PLD1: variants seen among roughly 807,000 people sequenced by gnomAD.
The protein encoded by PLD1 is choline phosphatase 1.
In PLD1, 112 loss-of-function variants were observed where a neutral mutation model predicts 137.1. The ratio of observed to expected loss-of-function variants is 0.82; its 90% CI spans 0.70 to 0.96. The LOEUF (loss-of-function observed/expected upper bound fraction) is 0.96, where lower values mean the gene tolerates loss of function less well. Ranked by LOEUF, PLD1 falls within the 40% of genes least tolerant of loss-of-function variation. The probability of loss-of-function intolerance (pLI) is 0.00; values close to 1 mark genes in which losing one functional copy is unlikely to be tolerated. For missense variants in PLD1, 1,321 were observed against 1,342.0 expected, an observed-to-expected ratio of 0.98 and a Z score of 0.24; for synonymous variants, 431 against 454.7, an observed-to-expected ratio of 0.95 and a Z score of 0.66.
At chr3:171,699,707 T>G (rs1394590801) in intron 12 of PLD1, 38 bp downstream of exon 12, 1 of 1,431,878 alleles carries the variant, frequency 7.0e-7, no homozygotes, top group African/African-American at 1.4e-5. Flanking sequence ...AACAGACAGT[T>G]AAAAAATTAT....
intron 18 of PLD1, 102 bp from the exon 19 acceptor site, chr3:171,674,715 C>A: frequency 1.7e-6 from 1 of 604,086 alleles, no homozygotes; most frequent in Non-Finnish European, 2.9e-6. Flanking sequence ...CAGTGGCTCA[C>A]GCCTGTAATC....
intron 23 of PLD1, among the ~76,000 whole-genome samples, chr3:171,642,275 T>TA (rs1313832926): frequency 6.6e-6 from 1 of 151,410 alleles, no homozygotes; most frequent in African/African-American, 2.4e-5. Context: ...GCCAACACGG[T>TA]GAAACCTCGT....
intron 11 of PLD1, among the ~76,000 whole-genome samples, chr3:171,706,150 C>CTATCTATG (rs1560235607): frequency 6.6e-6 from 1 of 151,942 alleles, no homozygotes; most frequent in Non-Finnish European, 1.5e-5. Flanking sequence ...ATCTATCTAT[C>CTATCTATG]TATCTATCTA....
chr3:171,609,615 T>C (rs1034986839), intron 25 of PLD1, among the ~76,000 whole-genome samples: 1 of 151,776 alleles, frequency 6.6e-6, no homozygotes, highest in African/African-American at 2.4e-5. Context: ...GCAACATGCA[T>C]GGAGTTGGAA....
chr3:171,763,830 C>CTTTTTTTTTTTTTTT (rs71178234), intron 1 of PLD1, among the ~76,000 whole-genome samples: 1 of 86,714 alleles, frequency 1.2e-5, no homozygotes. Context: ...TTCTTTCTTT[C>CTTTTTTTTTTTTTTT]TTTTTTTTTT....
intron 9 of PLD1, among the ~76,000 whole-genome samples, chr3:171,710,638 T>A (rs923042800): frequency 6.6e-6 from 1 of 152,172 alleles, no homozygotes; most frequent in Admixed American, 6.5e-5. Context: ...GGACACGGAC[T>A]GGTACCCCGA....
At chr3:171,728,883 A>C (rs1403046901) in intron 6 of PLD1, among the ~76,000 whole-genome samples, 3 of 152,214 alleles carry the variant, frequency 2.0e-5, no homozygotes, top group Non-Finnish European at 4.4e-5. Flanking sequence ...TGGCTTAGTA[A>C]AGTTTGACTG....
rs1219110321 is a variant in PLD1 at position 171,802,074 on chromosome 3, T to C, written c.-32+8325A>G. On this transcript the variant is annotated intron_variant, in intron 1 of 26. Transcript: ENST00000351298. ...ATTGTCATAAAAACAGCAACATCTG[T>C]GAGGTCAGAAAAGAACAATTAGGAA... Among the ~76,000 whole-genome samples the C allele has an allele frequency of 2.0e-5, 3 of 152,266 alleles. No individual in the cohort carries two copies. In the East Asian group the frequency reaches 5.8e-4, roughly 29 times the overall value.
chr3:171,652,766 A>ATTTTTTTTTT (rs1174564536), intron 21 of PLD1, among the ~76,000 whole-genome samples: 4 of 75,616 alleles, frequency 5.3e-5, no homozygotes, highest in Non-Finnish European at 9.5e-5. Context: ...ACACTCAGCT[A>ATTTTTTTTTT]TTTTTTTTTT....
At chr3:171,764,307 T>A (rs1721657046) in intron 1 of PLD1, among the ~76,000 whole-genome samples, 1 of 152,208 alleles carries the variant, frequency 6.6e-6, no homozygotes, top group African/African-American at 2.4e-5. Flanking sequence ...TAAGAATCAC[T>A]AATATTCATT....
chr3:171,765,616 C>T (rs1052179306), intron 1 of PLD1: 1 of 152,198 alleles, frequency 6.6e-6, no homozygotes, highest in Non-Finnish European at 1.5e-5. Flanking sequence ...TTCGAATCTA[C>T]TACGACCTTG....
chr3:171,719,042 G>T (rs1316086520), intron 8 of PLD1, among the ~76,000 whole-genome samples: 1 of 152,082 alleles, frequency 6.6e-6, no homozygotes, highest in South Asian at 2.1e-4. Context: ...ATCTACTATT[G>T]TCTCTCACAA....
chr3:171,717,842 A>G (rs1444195677), intron 8 of PLD1, among the ~76,000 whole-genome samples: 2 of 152,334 alleles, frequency 1.3e-5, no homozygotes, highest in Middle Eastern at 3.4e-3. Flanking sequence ...TTGTCCAGTC[A>G]GTATGATGTT....
intron 1 of PLD1, among the ~76,000 whole-genome samples, chr3:171,790,431 C>T (rs907197694): frequency 1.3e-5 from 2 of 152,150 alleles, no homozygotes; most frequent in African/African-American, 2.4e-5. Context: ...GACCTCTTGG[C>T]GTGGAATCAC....
At chr3:171,689,299 T>C (rs1714903605) in intron 13 of PLD1, among the ~76,000 whole-genome samples, 1 of 152,208 alleles carries the variant, frequency 6.6e-6, no homozygotes, top group South Asian at 2.1e-4. Flanking sequence ...AGTCATTGAA[T>C]TGAAATATTA....
chr3:171,728,752 C>A (rs1718717718), intron 6 of PLD1, among the ~76,000 whole-genome samples: 1 of 152,116 alleles, frequency 6.6e-6, no homozygotes. Flanking sequence ...ATTCAGAAAT[C>A]ATAACTTTTG....
At chr3:171,613,442 A>G (rs1732845822) in intron 24 of PLD1, among the ~76,000 whole-genome samples, 2 of 152,226 alleles carry the variant, frequency 1.3e-5, no homozygotes, top group South Asian at 4.1e-4. Flanking sequence ...TTTGGAGTTA[A>G]GAATCAGGCT....
At chr3:171,675,214 G>C (rs1235650754) in intron 18 of PLD1, among the ~76,000 whole-genome samples, 1 of 152,038 alleles carries the variant, frequency 6.6e-6, no homozygotes, top group Admixed American at 6.6e-5. Context: ...TTGCAAAAAT[G>C]AGACTATTGT....
chr3:171,737,208 T>C (rs1186011636), intron 3 of PLD1, among the ~76,000 whole-genome samples: 1 of 152,142 alleles, frequency 6.6e-6, no homozygotes, highest in African/African-American at 2.4e-5. Context: ...GCATCAAGAG[T>C]CCAAATGAAA....
Sources: gnomAD v4.1 joint callset for allele counts (sites outside exome capture counted in the v4.1 genomes callset) on GRCh38, gnomAD v4.1.1 for gene constraint, MANE v1.5 for transcripts, NCBI Gene and HGNC (gene_info 2026-07-23, HGNC 2026-07-21) for gene names.